HNF1A: variants seen among roughly 807,000 people sequenced by gnomAD.
HNF1A encodes the protein HNF1 homeobox A.
In HNF1A, 21 loss-of-function variants were observed where a neutral mutation model predicts 62.2. The observed-to-expected ratio is 0.34, with a 90% confidence interval of 0.24 to 0.49. The LOEUF (loss-of-function observed/expected upper bound fraction) is 0.49. Among genes scored for constraint, HNF1A ranks in the 20% least tolerant of loss-of-function variants. The pLI is 0.99. For missense variants in HNF1A, 687 were observed against 832.3 expected (o/e 0.83, Z 2.15); for synonymous variants, 374 against 366.8 (o/e 1.02, Z -0.22).
chr12:120,979,740 C>CT (rs1876154520), intron 1 of HNF1A: 3 of 149,094 alleles, frequency 2.0e-5, no homozygotes, highest in Admixed American at 1.3e-4. Context: ...GCGGACTCCC[C>CT]GTCTCCTGGA....
rs753702603 is a variant in HNF1A, at chr12:120,999,303, A to T, written c.1537A>T (p.Thr513Ser). The part of the protein sequence containing the change: ...YSHKPEVAQY[T>S]HTGLLPQTML... ...CCACAAGCCCGAGGTGGCCCAGTACACCCACACGGGCCTGCTCCCGCAGAC... is the reference window on the plus strand; with the variant it reads ...CCACAAGCCCGAGGTGGCCCAGTACTCCCACACGGGCCTGCTCCCGCAGAC... Residue 513 changes from threonine (T) to serine (S), a missense_variant, in exon 8 of 10, where the codon ACC (threonine) becomes TCC (serine). Around this residue, in one of 5 missense-constraint regions of HNF1A, gnomAD observed 408 missense variants for 455.3 expected, o/e 0.90. Coordinates refer to ENST00000257555, the MANE Select transcript of HNF1A (RefSeq NM_000545.8). 1.1e-5 allele frequency: 18 copies of T among 1,613,716 alleles called. No individual in the cohort carries two copies. Among genetic ancestry groups the T allele is most frequent in the Non-Finnish European group, 1.4e-5 (16 of 1,179,946 alleles).
At chr12:121,000,776 T>C (rs1233838702) in intron 9 of HNF1A, 4 of 468,548 alleles carry the variant, frequency 8.5e-6, no homozygotes, top group Non-Finnish European at 1.6e-5. Flanking sequence ...AGTGTTTGAC[T>C]CAGCCTAGCC....
chr12:120,999,650 C>G (rs753252001), intron 9 of HNF1A, 23 bp downstream of exon 9: 8 of 1,601,720 alleles, frequency 5.0e-6, no homozygotes, highest in Admixed American at 1.7e-5. Flanking sequence ...GGCTCCACCC[C>G]CTCCCTTACT....
At chr12:120,990,451 A>C (rs1318000947) in intron 2 of HNF1A, among the ~76,000 whole-genome samples, 1 of 150,692 alleles carries the variant, frequency 6.6e-6, no homozygotes, top group Non-Finnish European at 1.5e-5. Context: ...GTTTTTAAAA[A>C]AGGAAATAGC....
chr12:120,983,949 T>TG lies in HNF1A; in HGVS notation c.326+4855_326+4856insG, dbSNP rs56338049. On this transcript the variant is annotated intron_variant, in intron 1 of 9. Coordinates refer to ENST00000257555, the MANE Select transcript of HNF1A (RefSeq NM_000545.8). ...GTGTGTGTGTGTGTGTGTGTGTGTG[T>TG]TTGTGTAAGAGACACACAGAGAGAC... Among the ~76,000 whole-genome samples, 687 of 148,736 alleles carry TG rather than the reference T, an allele frequency of 4.6e-3. 5 individuals carry two copies. Among genetic ancestry groups the TG allele is most frequent in the East Asian group, 0.04 (200 of 5,022 alleles).
intron 1 of HNF1A, among the ~76,000 whole-genome samples, chr12:120,983,091 C>G (rs191813998): frequency 6.6e-6 from 1 of 152,220 alleles, no homozygotes; most frequent in East Asian, 1.9e-4. Context: ...AATACCACAA[C>G]CTTGCATGCC....
At position 121,000,944 on chromosome 12, in the gene HNF1A, T is replaced by A. The variant is rs370190806; in HGVS notation, c.1769-121T>A. 1,889 of 1,379,148 alleles carry A rather than the reference T, an allele frequency of 1.4e-3. 35 individuals are homozygous for A. The South Asian group carries it at 0.02, about 15-fold the overall frequency. The allele number at this position is 1,379,148 out of a possible 1,614,324, so 85.4% of individuals were successfully genotyped here. A position where few individuals can be genotyped will look rare whatever the true frequency, so the allele number is the denominator to read the frequency against. On this transcript the variant is annotated intron_variant, in intron 9 of 9. Coordinates refer to ENST00000257555, the MANE Select transcript of HNF1A (RefSeq NM_000545.8). The stretch of plus-strand genomic sequence containing the variant: ...TAGAGGTGTGACTTTGGGGTTCCTG[T>A]TATCTGCTGTGATCCAGGAGGTGTG...
intron 1 of HNF1A, among the ~76,000 whole-genome samples, chr12:120,982,439 G>GA (rs1876298894): frequency 6.6e-6 from 1 of 151,226 alleles, no homozygotes; most frequent in Non-Finnish European, 1.5e-5. Context: ...TGAGACTCAG[G>GA]AAAACAGTAG....
chr12:120,982,285 G>T (rs938482529), intron 1 of HNF1A, among the ~76,000 whole-genome samples: 1 of 152,090 alleles, frequency 6.6e-6, no homozygotes, highest in Non-Finnish European at 1.5e-5. Flanking sequence ...GGCCAGGCTG[G>T]TCTCAAACTC....
At chr12:120,981,260 GAGA>G (rs1876238119) in intron 1 of HNF1A, among the ~76,000 whole-genome samples, 1 of 152,184 alleles carries the variant, frequency 6.6e-6, no homozygotes, top group Non-Finnish European at 1.5e-5. Flanking sequence ...TGTTTCCCGG[GAGA>G]AGTCAGTGTC....
chr12:120,988,669 C>T (rs577797258), intron 1 of HNF1A, among the ~76,000 whole-genome samples, 164 bp from the exon 2 acceptor site: 24 of 152,340 alleles, frequency 1.6e-4, no homozygotes, highest in African/African-American at 5.3e-4. Context: ...AATGACCATA[C>T]CTCACCGTCC....
At chr12:120,980,478 AG>A (rs1255541685) in intron 1 of HNF1A, among the ~76,000 whole-genome samples, 1 of 151,778 alleles carries the variant, frequency 6.6e-6, no homozygotes, top group Non-Finnish European at 1.5e-5. Flanking sequence ...TGGCAGGAAG[AG>A]GAGGGCAAAG....
rs747872093 is a variant in HNF1A, at chr12:120,997,619, C to A, written c.1455C>A (p.Thr485=). ...TGCCACCTGTGCAGAGCCATGTGAC[C>A]CAGAGCCCCTTCATGGCCACCATGG... ...PLMPPVQSHV[T]QSPFMATMAQ... is the part of the protein sequence containing the mutation. Residue 485 remains threonine, a synonymous_variant, in exon 7 of 10, where the codon ACC becomes ACA. Transcript: ENST00000257555. The A allele has an allele frequency of 1.2e-6, 2 of 1,613,636 alleles. No individual in the cohort carries two copies. Among genetic ancestry groups the A allele is most frequent in the South Asian group, 2.2e-5 (2 of 91,000 alleles).
chr12:120,982,434 CT>C (rs1419826549), intron 1 of HNF1A, among the ~76,000 whole-genome samples: 1 of 151,790 alleles, frequency 6.6e-6, no homozygotes, highest in Non-Finnish European at 1.5e-5. Context: ...GGCACTGAGA[CT>C]CAGGAAAACA....
At chr12:121,000,569 C>G in intron 9 of HNF1A, 1 of 209,866 alleles carries the variant, frequency 4.8e-6, no homozygotes, top group Non-Finnish European at 9.7e-6. Context: ...AAATCTGTTG[C>G]TGGCAGCTCT....
intron 2 of HNF1A, among the ~76,000 whole-genome samples, chr12:120,989,955 G>A (rs888240885): frequency 2.6e-5 from 4 of 152,082 alleles, no homozygotes; most frequent in Middle Eastern, 3.4e-3. Context: ...CAAGGTCTAC[G>A]GTCAGGAAAT....
chr12:120,995,719 C>T (rs566970674), intron 4 of HNF1A, among the ~76,000 whole-genome samples: 50 of 152,108 alleles, frequency 3.3e-4, no homozygotes, highest in African/African-American at 1.1e-3. Flanking sequence ...CCATTCCATC[C>T]ACTCCACCCT....
Position 120,994,154 on chromosome 12 carries a change from A to G in HNF1A, c.714-10A>G, listed in dbSNP as rs2135841022. 6.2e-7 allele frequency: 1 copy of G among 1,612,134 alleles called. No homozygotes were observed. Among genetic ancestry groups the G allele is most frequent in the Non-Finnish European group, 8.5e-7 (1 of 1,179,354 alleles). The stretch of plus-strand genomic sequence containing the variant: ...CTGGCCTGGAGGCTCATGGGTGGCT[A>G]TTTCTGCAGGGCGGAATGCATCCAG... On this transcript the variant is annotated splice_polypyrimidine_tract_variant and intron_variant, in intron 3 of 9. Coordinates refer to ENST00000257555, the MANE Select transcript of HNF1A (RefSeq NM_000545.8).
In HNF1A at chr12:120,979,077, G is replaced by T. The variant is rs1374173552; in HGVS notation, c.309G>T (p.Val103=). 1 of 1,610,474 alleles carries T rather than the reference G, an allele frequency of 6.2e-7. No homozygotes were observed. The highest frequency in any genetic ancestry group is 1.3e-5 in the African/African-American group (1 of 75,012). ...SPEEAAHQKA[V]VETLLQEDPW... The stretch of plus-strand genomic sequence containing the variant: ...AGGAGGCGGCCCACCAGAAAGCCGT[G>T]GTGGAGACCCTTCTGCAGTAAGGAG... The change falls in exon 1 of 10, where the codon GTG becomes GTT. Residue 103 remains valine (V), a synonymous_variant. Transcript: ENST00000257555.
Sources: gnomAD v4.1 joint callset for allele counts (sites outside exome capture counted in the v4.1 genomes callset) on GRCh38, gnomAD v4.1.1 for gene constraint, gnomAD v4.1.1 regional missense constraint, MANE v1.5 for transcripts, NCBI Gene and HGNC (gene_info 2026-07-23, HGNC 2026-07-21) for gene names.